OR1F1: variants seen among roughly 807,000 people sequenced by gnomAD.
OR1F1 encodes olfactory receptor 1F1.
For synonymous variants in OR1F1, 184 were observed against 156.7 expected (o/e 1.17, Z -1.30); for missense variants, 493 against 376.3 (o/e 1.31, Z -2.57).
At chr16:3,198,297 C>G in the OR1F1 span, among the ~76,000 whole-genome samples, 7 of 152,074 alleles carry the variant, frequency 4.6e-5, no homozygotes, top group Admixed American at 3.3e-4. Context: ...CGGAGGCTAG[C>G]AGGCAGGAGG....
downstream of OR1F1, among the ~76,000 whole-genome samples, chr16:3,205,627 T>C (rs566694313): frequency 6.6e-6 from 1 of 152,160 alleles, no homozygotes; most frequent in African/African-American, 2.4e-5. Context: ...AATATGGACA[T>C]GTATCGGTTC....
the OR1F1 span, among the ~76,000 whole-genome samples, chr16:3,198,707 C>T: frequency 5.6e-4 from 85 of 152,196 alleles, no homozygotes; most frequent in African/African-American, 2.0e-3. Flanking sequence ...GAAATCACAG[C>T]GGTGGACGCG....
At chr16:3,204,318 G>A (rs1958173168) in exon 1 of OR1F1, 1 of 1,614,124 alleles carries the variant, frequency 6.2e-7, no homozygotes, top group Non-Finnish European at 8.5e-7. Context: ...CCCAGCAGCA[G>A]CATCTCCTCT....
chr16:3,193,306 C>T, the OR1F1 span, among the ~76,000 whole-genome samples: 1 of 152,192 alleles, frequency 6.6e-6, no homozygotes, highest in Non-Finnish European at 1.5e-5. Context: ...AAGGGCCTCG[C>T]GTCAAGGCTC....
At chr16:3,198,463 G>A in the OR1F1 span, among the ~76,000 whole-genome samples, 2 of 152,266 alleles carry the variant, frequency 1.3e-5, no homozygotes, top group Non-Finnish European at 2.9e-5. Flanking sequence ...CAGGGGAAAT[G>A]CCTGATGAAC....
the OR1F1 span, among the ~76,000 whole-genome samples, chr16:3,194,819 C>A: frequency 2.0e-5 from 3 of 152,160 alleles, no homozygotes; most frequent in African/African-American, 7.2e-5. Context: ...ATTTAGGTCT[C>A]GCTATGTTGT....
At chr16:3,199,644 T>C (rs940292875), upstream of OR1F1, among the ~76,000 whole-genome samples, 1 of 152,252 alleles carries the variant, frequency 6.6e-6, no homozygotes, top group Admixed American at 6.5e-5. Context: ...ATTCTTGGTT[T>C]AAAAGAATTT....
At chr16:3,202,699 T>A (rs1958148579), upstream of OR1F1, among the ~76,000 whole-genome samples, 1 of 137,570 alleles carries the variant, frequency 7.3e-6, no homozygotes. Flanking sequence ...ATAATAATAA[T>A]AATAATAACA....
the OR1F1 span, among the ~76,000 whole-genome samples, chr16:3,191,617 G>T: frequency 7.2e-5 from 11 of 152,116 alleles, no homozygotes; most frequent in Admixed American, 7.2e-4. Flanking sequence ...GAAACAGCCA[G>T]CATTTAATGA....
the OR1F1 span, among the ~76,000 whole-genome samples, chr16:3,194,504 C>T: frequency 2.6e-5 from 4 of 151,956 alleles, no homozygotes; most frequent in Non-Finnish European, 4.4e-5. Context: ...AAAGAACGTT[C>T]AATCTATCCT....
the OR1F1 span, among the ~76,000 whole-genome samples, chr16:3,190,593 A>G: frequency 9.2e-5 from 14 of 152,082 alleles, no homozygotes; most frequent in Non-Finnish European, 1.8e-4. Context: ...TCTACTGAAA[A>G]TACAAAAATT....
At chr16:3,199,891 TG>T (rs1376601791), upstream of OR1F1, among the ~76,000 whole-genome samples, 1 of 151,602 alleles carries the variant, frequency 6.6e-6, no homozygotes, top group Admixed American at 6.6e-5. Flanking sequence ...GGTGCATGCC[TG>T]GCAATCCCAG....
At chr16:3,203,933 G>A (rs935950139), upstream of OR1F1, among the ~76,000 whole-genome samples, 22 of 152,212 alleles carry the variant, frequency 1.4e-4, no homozygotes, top group South Asian at 4.1e-4. Context: ...CCTCTGTCCC[G>A]TCTGTCTGAC....
chr16:3,193,351 C>T, the OR1F1 span, among the ~76,000 whole-genome samples: 1 of 152,238 alleles, frequency 6.6e-6, no homozygotes, highest in African/African-American at 2.4e-5. Flanking sequence ...CGAGACCCTC[C>T]GTTGCTCTCT....
At chr16:3,198,817 G>A in the OR1F1 span, among the ~76,000 whole-genome samples, 2 of 151,770 alleles carry the variant, frequency 1.3e-5, no homozygotes, top group Admixed American at 6.6e-5. Flanking sequence ...GCAAAACCCC[G>A]GCTCTACAAA....
chr16:3,202,847 T>G (rs996407060), upstream of OR1F1, among the ~76,000 whole-genome samples: 1 of 152,130 alleles, frequency 6.6e-6, no homozygotes, highest in Non-Finnish European at 1.5e-5. Context: ...ATTTCTCCAC[T>G]CTATAGATGA....
At chr16:3,204,769 A>C (rs1374897233) in exon 1 of OR1F1, 3 of 1,613,910 alleles carry the variant, frequency 1.9e-6, no homozygotes, top group Non-Finnish European at 2.5e-6. Context: ...CAATGCCATC[A>C]CTCACTTCTT....
downstream of OR1F1, among the ~76,000 whole-genome samples, chr16:3,205,431 T>G (rs1958195314): frequency 6.6e-6 from 1 of 151,870 alleles, no homozygotes; most frequent in Non-Finnish European, 1.5e-5. Context: ...TCCTCCTGCC[T>G]CAGCCTCCTG....
chr16:3,206,166 T>C (rs1234655546), downstream of OR1F1, among the ~76,000 whole-genome samples: 2 of 152,208 alleles, frequency 1.3e-5, no homozygotes, highest in African/African-American at 2.4e-5. Context: ...AGATAAGGAC[T>C]GAAATATGCC....
Sources: allele counts gnomAD v4.1 joint callset (sites outside exome capture counted in the v4.1 genomes callset), GRCh38; gene constraint gnomAD v4.1.1; transcripts MANE v1.5; gene names NCBI Gene and HGNC (gene_info 2026-07-23, HGNC 2026-07-21).